The following NME7 variants were observed in gnomAD, a reference collection of about 807,000 sequenced individuals.
NME7 encodes NME/NM23 family member 7, also known as nucleoside diphosphate kinase 7.
Under a neutral mutation model 49.1 loss-of-function variants are expected in NME7, and 41 were observed. The ratio of observed to expected loss-of-function variants is 0.83; its 90% confidence interval spans 0.65 to 1.08. The LOEUF is 1.08. Among genes scored for constraint, NME7 ranks in the 50% least tolerant of loss-of-function variants. The pLI is 0.00. For missense variants in NME7, 423 were observed against 463.4 expected (o/e 0.91, Z 0.80); for synonymous variants, 139 against 150.6 (o/e 0.92, Z 0.56).
At chr1:169,160,370 T>C (rs1370655793) in intron 11 of NME7, among the ~76,000 whole-genome samples, 1 of 152,144 alleles carries the variant, frequency 6.6e-6, no homozygotes, top group Non-Finnish European at 1.5e-5. Context: ...CTAAATCAAC[T>C]GAATTGTAAA....
At chr1:169,221,362 C>T (rs1406195914) in intron 10 of NME7, among the ~76,000 whole-genome samples, 4 of 152,130 alleles carry the variant, frequency 2.6e-5, no homozygotes. Context: ...AAGCTAAAGT[C>T]ATTATGAGGA....
chr1:169,348,251 G>A (rs761499832), intron 1 of NME7, among the ~76,000 whole-genome samples: 40 of 151,676 alleles, frequency 2.6e-4, no homozygotes, highest in Admixed American at 1.1e-3. Context: ...GAATGCATTT[G>A]CCTATATTAC....
At chr1:169,141,230 T>C (rs963616216) in intron 11 of NME7, among the ~76,000 whole-genome samples, 2 of 152,182 alleles carry the variant, frequency 1.3e-5, no homozygotes, top group Non-Finnish European at 2.9e-5. Context: ...CTGATATCAT[T>C]ATATGTGATC....
chr1:169,183,811 GA>G (rs891889001), intron 10 of NME7, among the ~76,000 whole-genome samples: 4 of 142,048 alleles, frequency 2.8e-5, no homozygotes, highest in Admixed American at 7.0e-5. Context: ...CAGAAAAAAA[GA>G]AAAAAAAAAG....
chr1:169,296,819 T>C (rs12751407), intron 6 of NME7, among the ~76,000 whole-genome samples: 37,142 of 151,924 alleles, frequency 0.24, 5,506 homozygotes, highest in Non-Finnish European at 0.34. Context: ...GCAGAAAATC[T>C]TGTTTATTTG....
intron 6 of NME7, among the ~76,000 whole-genome samples, chr1:169,297,636 G>C (rs982455949): frequency 6.6e-6 from 1 of 152,168 alleles, no homozygotes; most frequent in South Asian, 2.1e-4. Context: ...AGACTAGATA[G>C]AGCATTGGAG....
Position 169,364,536 on chromosome 1 carries a change from G to A in NME7, c.3+3172C>T, listed in dbSNP as rs144649066. On this transcript the variant is annotated intron_variant, in intron 1 of 11. Coordinates refer to ENST00000367811, the MANE Select transcript of NME7 (RefSeq NM_013330.5). ...GCTGGGACTACACACATATGCCACC[G>A]CACCTGACTCGACTCAACCCTCTTT... Among the ~76,000 whole-genome samples the A allele has an allele frequency of 5.3e-5, 8 of 151,490 alleles. No homozygotes were observed. In the South Asian group the frequency reaches 1.0e-3, roughly 20 times the overall value.
At chr1:169,304,094 T>C (rs185998373) in intron 4 of NME7, among the ~76,000 whole-genome samples, 1 of 152,320 alleles carries the variant, frequency 6.6e-6, no homozygotes, top group East Asian at 1.9e-4. Flanking sequence ...GGGGAGAATA[T>C]GGAAACATTT....
At chr1:169,178,080 C>G (rs765945892) in intron 10 of NME7, among the ~76,000 whole-genome samples, 3 of 152,236 alleles carry the variant, frequency 2.0e-5, no homozygotes, top group Non-Finnish European at 4.4e-5. Flanking sequence ...ACCTCAGGAT[C>G]TGCCCGCCTC....
chr1:169,169,590 G>A, intron 10 of NME7, 36 bp from the exon 11 acceptor site: 1 of 1,556,938 alleles, frequency 6.4e-7, no homozygotes, highest in Non-Finnish European at 8.9e-7. Context: ...ATTAATGTTA[G>A]TCATATGGTA....
chr1:169,172,299 C>T (rs949941928), intron 10 of NME7, among the ~76,000 whole-genome samples: 2 of 149,004 alleles, frequency 1.3e-5, no homozygotes, highest in Non-Finnish European at 3.0e-5. Flanking sequence ...AAAAAAAAAA[C>T]AAACCCACAA....
intron 1 of NME7, among the ~76,000 whole-genome samples, chr1:169,326,872 C>A (rs902519747): frequency 1.8e-4 from 28 of 152,072 alleles, no homozygotes; most frequent in Non-Finnish European, 3.4e-4. Flanking sequence ...CCAAAGCCAC[C>A]CTTAAAATTT....
rs1651919636 is a variant in NME7, at chr1:169,323,160, C to T, written c.235G>A (p.Gly79Arg). ...AGCTGGCGAGCTGTATATTGATCCC[C>T]ATAGTCAATTAATACCAGTTGTCGA... ...FSRQLVLIDY[G>R]DQYTARQLGS... Residue 79 changes from glycine to arginine, a missense_variant, in exon 3 of 12, where the codon GGG becomes AGG. Coordinates refer to ENST00000367811, the MANE Select transcript of NME7 (RefSeq NM_013330.5). 1 of 1,608,846 alleles carries T rather than the reference C, an allele frequency of 6.2e-7. No homozygotes were observed. The highest frequency in any genetic ancestry group is 1.3e-5 in the African/African-American group (1 of 74,684).
At chr1:169,185,907 C>T (rs1333111753) in intron 10 of NME7, among the ~76,000 whole-genome samples, 1 of 152,078 alleles carries the variant, frequency 6.6e-6, no homozygotes, top group African/African-American at 2.4e-5. Context: ...CTTAGTATCC[C>T]TTACAGCATT....
At chr1:169,166,060 T>C (rs1659404963) in intron 11 of NME7, among the ~76,000 whole-genome samples, 2 of 152,204 alleles carry the variant, frequency 1.3e-5, no homozygotes, top group Non-Finnish European at 2.9e-5. Flanking sequence ...AATAATCTAT[T>C]TCAAACAATA....
intron 6 of NME7, 59 bp from the exon 7 acceptor site, chr1:169,287,467 T>A: frequency 1.7e-6 from 2 of 1,202,838 alleles, no homozygotes; most frequent in South Asian, 3.6e-5. Flanking sequence ...ACTTACAAGA[T>A]ATTTCTGTGG....
chr1:169,282,561 T>C lies in NME7; in HGVS notation c.754+4742A>G, dbSNP rs573255205. On this transcript the variant is annotated intron_variant, in intron 7 of 11. Transcript: ENST00000367811. ...ATGTTAGGGTATCAATTTTAGATCT[T>C]TCCTGCTTTCTCTTGTGGGCATTTA... is the stretch of plus-strand genomic sequence containing the variant. Among the ~76,000 whole-genome samples, 6 of 152,324 alleles carry C rather than the reference T, an allele frequency of 3.9e-5. No homozygotes were observed. In the East Asian group the frequency reaches 1.2e-3, roughly 29 times the overall value.
At chr1:169,184,724 A>G in intron 10 of NME7, among the ~76,000 whole-genome samples, 1 of 152,170 alleles carries the variant, frequency 6.6e-6, no homozygotes, top group East Asian at 1.9e-4. Flanking sequence ...TAAAAATAAG[A>G]TGGTATTTTT....
chr1:169,167,300 AAAC>A (rs1203676847), intron 11 of NME7, among the ~76,000 whole-genome samples: 1 of 152,180 alleles, frequency 6.6e-6, no homozygotes, highest in Non-Finnish European at 1.5e-5. Flanking sequence ...ATGAAAATGA[AAAC>A]AAAATATTTG....
Sources: gnomAD v4.1 joint callset for allele counts (sites outside exome capture counted in the v4.1 genomes callset) on GRCh38, gnomAD v4.1.1 for gene constraint, MANE v1.5 for transcripts, NCBI Gene and HGNC (gene_info 2026-07-23, HGNC 2026-07-21) for gene names.